FNDC3B: variants seen among roughly 807,000 people sequenced by gnomAD.
The protein encoded by FNDC3B is fibronectin type III domain-containing protein 3B.
FNDC3B carries 12 observed loss-of-function variants against 151.5 expected under a neutral mutation model. The observed-to-expected ratio is 0.08, with a 90% CI of 0.05 to 0.13. The LOEUF (loss-of-function observed/expected upper bound fraction) is 0.13. FNDC3B is among the 10% of genes least tolerant of loss of function. FNDC3B has a pLI of 1.00. For missense variants in FNDC3B, 1,214 were observed against 1,505.3 expected, an observed-to-expected ratio of 0.81 and a Z score of 3.20; for synonymous variants, 528 against 549.0, an observed-to-expected ratio of 0.96 and a Z score of 0.54.
At chr3:172,363,000 C>T (rs192672531) in intron 23 of FNDC3B, among the ~76,000 whole-genome samples, 155 bp downstream of exon 23, 136 of 152,278 alleles carry the variant, frequency 8.9e-4, no homozygotes, top group Non-Finnish European at 1.6e-3. Flanking sequence ...TACCCGGAGT[C>T]GTTCCTTTTA....
At chr3:172,354,231 A>G (rs1333124189) in intron 22 of FNDC3B, among the ~76,000 whole-genome samples, 1 of 151,986 alleles carries the variant, frequency 6.6e-6, no homozygotes, top group African/African-American at 2.4e-5. Flanking sequence ...GTTTATATAC[A>G]AATAGAAAAA....
intron 3 of FNDC3B, among the ~76,000 whole-genome samples, chr3:172,203,111 A>G (rs952147326): frequency 6.6e-6 from 1 of 152,194 alleles, no homozygotes; most frequent in African/African-American, 2.4e-5. Flanking sequence ...TTCGATATAT[A>G]TAGAAGTGGG....
At chr3:172,124,643 T>G (rs1400711031) in intron 2 of FNDC3B, among the ~76,000 whole-genome samples, 2 of 152,238 alleles carry the variant, frequency 1.3e-5, no homozygotes, top group African/African-American at 4.8e-5. Flanking sequence ...TTTTTGGCAT[T>G]TACCTCAAAC....
chr3:172,108,022 G>T (rs1257738628), intron 1 of FNDC3B, among the ~76,000 whole-genome samples: 1 of 152,102 alleles, frequency 6.6e-6, no homozygotes, highest in African/African-American at 2.4e-5. Context: ...ACAAAAAATA[G>T]TTGGGCATGG....
At position 172,330,859 on chromosome 3, in the gene FNDC3B, C is replaced by T. The variant is rs75062126; in HGVS notation, c.1554+144C>T. On this transcript the variant is annotated intron_variant, in intron 13 of 25. Transcript: ENST00000415807. ...CCTCTGTCACCACCACTACCAACAC[C>T]GGCCTGTTCTTTCCCATCTCTGTAA... is the stretch of plus-strand genomic sequence containing the variant. 300 of 618,296 alleles carry T rather than the reference C, an allele frequency of 4.9e-4. 2 individuals are homozygous for T. The East Asian group carries it at 7.3e-3, about 15-fold the overall frequency. The allele number at this position is 618,296 out of a possible 1,614,324, so 38.3% of individuals were successfully genotyped here.
intron 1 of FNDC3B, among the ~76,000 whole-genome samples, chr3:172,108,229 A>T (rs1271733644): frequency 6.6e-6 from 1 of 152,140 alleles, no homozygotes; most frequent in African/African-American, 2.4e-5. Flanking sequence ...GTAAGGTCAA[A>T]ATGTTTCAGT....
intron 1 of FNDC3B, among the ~76,000 whole-genome samples, chr3:172,087,217 A>C (rs1343787856): frequency 1.3e-5 from 2 of 152,238 alleles, no homozygotes; most frequent in Non-Finnish European, 2.9e-5. Context: ...GTTAAGGCGC[A>C]TAACTTACCT....
chr3:172,326,123 G>A (rs955845343), intron 11 of FNDC3B, among the ~76,000 whole-genome samples: 2 of 152,132 alleles, frequency 1.3e-5, no homozygotes, highest in Admixed American at 1.3e-4. Context: ...ATCACACCCC[G>A]CCCAGATATG....
At chr3:172,178,816 T>G (rs978657877) in intron 3 of FNDC3B, among the ~76,000 whole-genome samples, 12 of 152,236 alleles carry the variant, frequency 7.9e-5, no homozygotes, top group African/African-American at 2.9e-4. Context: ...GTAAAAAGCC[T>G]GTGCCACATT....
intron 3 of FNDC3B, among the ~76,000 whole-genome samples, chr3:172,199,471 G>A (rs756887203): frequency 1.7e-4 from 26 of 152,246 alleles, no homozygotes; most frequent in Non-Finnish European, 3.4e-4. Context: ...GAGCCACCGC[G>A]CCCGGCTAGA....
At chr3:172,369,879 T>C (rs190363195) in intron 23 of FNDC3B, among the ~76,000 whole-genome samples, 54 of 152,234 alleles carry the variant, frequency 3.5e-4, no homozygotes, top group African/African-American at 1.2e-3. Context: ...AAATGCCACC[T>C]GAGTAACATA....
intron 17 of FNDC3B, among the ~76,000 whole-genome samples, chr3:172,342,375 CAT>C (rs1268627137): frequency 6.6e-6 from 1 of 152,224 alleles, no homozygotes; most frequent in Non-Finnish European, 1.5e-5. Context: ...TGCTCAAATG[CAT>C]AGAGTTCATT....
chr3:172,084,282 C>T (rs1718434073), intron 1 of FNDC3B, among the ~76,000 whole-genome samples: 2 of 151,762 alleles, frequency 1.3e-5, no homozygotes, highest in South Asian at 4.1e-4. Context: ...AACCCTGTCT[C>T]TACAAAAAAA....
At chr3:172,059,204 C>T (rs1244910703) in intron 1 of FNDC3B, among the ~76,000 whole-genome samples, 3 of 151,946 alleles carry the variant, frequency 2.0e-5, no homozygotes, top group South Asian at 4.2e-4. Context: ...GATGATAGCA[C>T]GTAACATAAT....
At chr3:172,302,467 A>C (rs982088534) in intron 9 of FNDC3B, 2 of 152,260 alleles carry the variant, frequency 1.3e-5, no homozygotes, top group Non-Finnish European at 2.9e-5. Flanking sequence ...CAGATTCCAC[A>C]TGGAAAATTA....
At chr3:172,346,206 A>T (rs1733606817) in intron 19 of FNDC3B, 121 bp from the exon 20 acceptor site, 1 of 479,656 alleles carries the variant, frequency 2.1e-6, no homozygotes, top group African/African-American at 2.0e-5. Flanking sequence ...TTTGTTAATT[A>T]GTTGTGTTGA....
chr3:172,218,320 C>T (rs1323209929), intron 3 of FNDC3B, among the ~76,000 whole-genome samples: 1 of 151,966 alleles, frequency 6.6e-6, no homozygotes, highest in Non-Finnish European at 1.5e-5. Flanking sequence ...AGCAGCCACC[C>T]TTACCTTGTT....
chr3:172,145,419 G>C (rs77716439), intron 3 of FNDC3B, among the ~76,000 whole-genome samples: 3,294 of 152,246 alleles, frequency 0.022, 119 homozygotes, highest in African/African-American at 0.076. Context: ...TTCCTGTTTC[G>C]TTTTGCAGTT....
intron 11 of FNDC3B, among the ~76,000 whole-genome samples, chr3:172,322,193 A>G (rs2108272423): frequency 6.6e-6 from 1 of 152,298 alleles, no homozygotes; most frequent in Non-Finnish European, 1.5e-5. Flanking sequence ...AGGAGGGCTC[A>G]TTGGCTGGGG....
Sources: gnomAD v4.1 joint callset for allele counts (sites outside exome capture counted in the v4.1 genomes callset) on GRCh38, gnomAD v4.1.1 for gene constraint, MANE v1.5 for transcripts, NCBI Gene and HGNC (gene_info 2026-07-23, HGNC 2026-07-21) for gene names.